OLFML1: variants seen among roughly 807,000 people sequenced by gnomAD.
The protein encoded by OLFML1 is olfactomedin like 1.
A neutral mutation model predicts 37.3 loss-of-function variants in OLFML1; 33 were observed. The ratio of observed to expected loss-of-function variants is 0.88; its 90% CI spans 0.67 to 1.18. The LOEUF is 1.18. OLFML1 is among the 50% of genes most tolerant of loss of function. The probability of loss-of-function intolerance (pLI) is 0.00; values close to 1 mark genes in which losing one functional copy is unlikely to be tolerated. For synonymous variants in OLFML1, 186 were observed against 181.3 expected, an observed-to-expected ratio of 1.03 and a Z score of -0.21; for missense variants, 545 against 483.7, an observed-to-expected ratio of 1.13 and a Z score of -1.19.
intron 2 of OLFML1, among the ~76,000 whole-genome samples, chr11:7,508,608 CCCCAGCTCATAAT>C (rs1257350549): frequency 6.6e-6 from 1 of 152,188 alleles, no homozygotes; most frequent in African/African-American, 2.4e-5. Context: ...ATGCTCATAA[CCCCAGCTCATAAT>C]ACTTCGCTCA....
Position 7,511,142 on chromosome 11 carries a change from G to A in OLFML1, c.*954G>A, listed in dbSNP as rs1489861370. 6.6e-6 allele frequency: 1 copy of A among 152,218 alleles called. No homozygotes were observed. Among genetic ancestry groups the A allele is most frequent in the Admixed American group, 6.5e-5 (1 of 15,290 alleles). The allele number at this position is 152,218 out of a possible 1,614,324, so 9.4% of individuals were successfully genotyped here. A position where few individuals can be genotyped will look rare whatever the true frequency, so the allele number is the denominator to read the frequency against. Reference sequence around the variant, plus strand: ...TATAGTCAATGCGTTCATCGTTTCAGCCTAAAAATAATAGTCTGTCCCTTT... The same window carrying A: ...TATAGTCAATGCGTTCATCGTTTCAACCTAAAAATAATAGTCTGTCCCTTT... On this transcript the variant is annotated 3_prime_UTR_variant, in exon 3 of 3. Transcript: ENST00000329293.
At chr11:7,502,372 G>C (rs1848733262) in intron 2 of OLFML1, among the ~76,000 whole-genome samples, 1 of 152,192 alleles carries the variant, frequency 6.6e-6, no homozygotes, top group Non-Finnish European at 1.5e-5. Context: ...AAAGGGTTTA[G>C]CCAGGCTAGT....
rs1269757146 is a variant in OLFML1 at position 7,485,925 on chromosome 11, C to A, written c.50C>A (p.Ala17Glu). 4 of 1,613,862 alleles carry A rather than the reference C, an allele frequency of 2.5e-6. No individual in the cohort carries two copies. The highest frequency in any genetic ancestry group is 2.2e-5 in the South Asian group (2 of 91,076). The change falls in exon 1 of 3, where the codon GCA becomes GAA. Residue 17 changes from alanine (A) to glutamate (E), a missense_variant. Transcript: ENST00000329293. ...TCTGCATTGCTGGTTCTGTTCCTTG[C>A]AGCTTTTCTGCCCCCGCCGCAGTGT... The part of the protein sequence containing the change: ...GASALLVLFL[A>E]AFLPPPQCTQ...
At position 7,510,060 on chromosome 11, in the gene OLFML1, T is replaced by C. The variant is rs780881145; in HGVS notation, c.1081T>C (p.Phe361Leu). The C allele has an allele frequency of 3.7e-6, 6 of 1,614,122 alleles. No homozygotes were observed. The highest frequency in any genetic ancestry group is 2.7e-5 in the African/African-American group (2 of 74,932). ...ISEEDLPNLF[F>L]PKRPRSHSMI... ...TGAGGAGGACTTGCCCAACTTGTTC[T>C]TCCCCAAGAGACCAAGAAGTCACTC... Residue 361 changes from phenylalanine (F) to leucine (L), a missense_variant, in exon 3 of 3, where the codon TTC becomes CTC. By Grantham distance (22) the Phe-to-Leu change is conservative. Transcript: ENST00000329293.
chr11:7,485,987 C>G lies in OLFML1; in HGVS notation c.112C>G (p.Arg38Gly). The G allele has an allele frequency of 6.2e-7, 1 of 1,613,956 alleles. No homozygotes were observed. Among genetic ancestry groups the G allele is most frequent in the Non-Finnish European group, 8.5e-7 (1 of 1,179,908 alleles). The change falls in exon 1 of 3, where the codon CGC becomes GGC. Residue 38 changes from arginine (R) to glycine (G), a missense_variant. Transcript: ENST00000329293. ...AGCCATGGTGCATTACATCTACCAG[C>G]GCTTTCGAGTCTTGGAGGTAGGTGG... ...DPAMVHYIYQ[R>G]FRVLEQGLEK... is the part of the protein sequence containing the mutation.
intron 1 of OLFML1, among the ~76,000 whole-genome samples, chr11:7,486,969 T>C (rs998565160): frequency 1.3e-5 from 2 of 152,172 alleles, no homozygotes; most frequent in Non-Finnish European, 2.9e-5. Flanking sequence ...CTCTTGCGCT[T>C]CTTCACTTGC....
rs372381191 is a variant in OLFML1, at chr11:7,492,129, G to C, written c.418+3714G>C. On this transcript the variant is annotated intron_variant, in intron 2 of 2. Coordinates refer to ENST00000329293, the MANE Select transcript of OLFML1 (RefSeq NM_198474.4). ...TGTACACCAGGGGGTAAAAATCCTGGGGATTGTTTAAGAAATCTGCCTATC... is the reference window on the plus strand; with the variant it reads ...TGTACACCAGGGGGTAAAAATCCTGCGGATTGTTTAAGAAATCTGCCTATC... Among the ~76,000 whole-genome samples the C allele has an allele frequency of 5.9e-5, 9 of 152,254 alleles. No homozygotes were observed. The South Asian group carries it at 1.9e-3, about 32-fold the overall frequency.
At chr11:7,508,347 G>C (rs138210766) in intron 2 of OLFML1, among the ~76,000 whole-genome samples, 1 of 152,336 alleles carries the variant, frequency 6.6e-6, no homozygotes, top group African/African-American at 2.4e-5. Flanking sequence ...ACATTAGCTT[G>C]TATTGGTCTA....
chr11:7,507,797 T>C (rs1008887396), intron 2 of OLFML1, among the ~76,000 whole-genome samples: 2 of 152,200 alleles, frequency 1.3e-5, no homozygotes, highest in Admixed American at 6.5e-5. Context: ...TACACCTGCC[T>C]TGGCCACCCA....
intron 2 of OLFML1, among the ~76,000 whole-genome samples, chr11:7,506,122 A>G (rs1043378467): frequency 6.6e-6 from 1 of 152,264 alleles, no homozygotes; most frequent in Non-Finnish European, 1.5e-5. Flanking sequence ...AGCTGGCTAT[A>G]AAATGATGGA....
chr11:7,486,796 T>G (rs1447584887), intron 1 of OLFML1, among the ~76,000 whole-genome samples: 1 of 152,242 alleles, frequency 6.6e-6, no homozygotes, highest in Non-Finnish European at 1.5e-5. Context: ...AATAATTATT[T>G]TATACATTTT....
At chr11:7,498,335 C>G (rs1335537834) in intron 2 of OLFML1, among the ~76,000 whole-genome samples, 1 of 152,114 alleles carries the variant, frequency 6.6e-6, no homozygotes, top group African/African-American at 2.4e-5. Flanking sequence ...CTAAGGAAGT[C>G]TGAGCAAAGT....
intron 2 of OLFML1, among the ~76,000 whole-genome samples, chr11:7,507,508 T>A (rs1590064149): frequency 6.6e-6 from 1 of 152,036 alleles, no homozygotes; most frequent in African/African-American, 2.4e-5. Context: ...GATAATACAG[T>A]TGCTAAGGTT....
At chr11:7,494,346 T>A (rs564484373) in intron 2 of OLFML1, among the ~76,000 whole-genome samples, 1 of 152,232 alleles carries the variant, frequency 6.6e-6, no homozygotes, top group Non-Finnish European at 1.5e-5. Context: ...CAATGGCAAT[T>A]AATATTACTG....
chr11:7,499,324 C>T (rs780804488), intron 2 of OLFML1, among the ~76,000 whole-genome samples: 5 of 152,204 alleles, frequency 3.3e-5, no homozygotes, highest in African/African-American at 4.8e-5. Context: ...AAATTTGCAT[C>T]TTGGCTGGAC....
At chr11:7,490,752 C>A (rs931989643) in intron 2 of OLFML1, among the ~76,000 whole-genome samples, 14 of 152,142 alleles carry the variant, frequency 9.2e-5, no homozygotes. Flanking sequence ...CTTGTTGCCT[C>A]CCACTACTGG....
rs1848854061 is a variant in OLFML1 at position 7,511,055 on chromosome 11, A to G, written c.*867A>G. 6.6e-6 allele frequency: 1 copy of G among 152,202 alleles called. No homozygotes were observed. The highest frequency in any genetic ancestry group is 1.5e-5 in the Non-Finnish European group (1 of 68,036). The allele number at this position is 152,202 out of a possible 1,614,324, so 9.4% of individuals were successfully genotyped here. ...AAAGATACAGCTAGAAAATACTACA[A>G]ATCCCATAGTTTTTCCATTGCCCAA... On this transcript the variant is annotated 3_prime_UTR_variant, in exon 3 of 3. Coordinates refer to ENST00000329293, the MANE Select transcript of OLFML1 (RefSeq NM_198474.4).
chr11:7,506,226 T>C (rs1283397692), intron 2 of OLFML1, among the ~76,000 whole-genome samples: 2 of 152,134 alleles, frequency 1.3e-5, no homozygotes, highest in Non-Finnish European at 1.5e-5. Flanking sequence ...GCTAAGAATC[T>C]AGTAACAAAG....
At chr11:7,493,697 C>T (rs1848629687) in intron 2 of OLFML1, among the ~76,000 whole-genome samples, 1 of 152,204 alleles carries the variant, frequency 6.6e-6, no homozygotes, top group African/African-American at 2.4e-5. Flanking sequence ...TTTGTTTATC[C>T]ATCTGAAAGG....
Sources: gnomAD v4.1 joint callset for allele counts (sites outside exome capture counted in the v4.1 genomes callset) on GRCh38, gnomAD v4.1.1 for gene constraint, MANE v1.5 for transcripts, NCBI Gene and HGNC (gene_info 2026-07-23, HGNC 2026-07-21) for gene names.